Variants in CS observed in about 807,000 individuals in gnomAD.
CS encodes citrate synthase, mitochondrial.
CS carries 13 observed loss-of-function variants against 61.4 expected under a neutral mutation model. That is an observed-to-expected ratio of 0.21 (90% CI 0.14 to 0.34). The LOEUF is 0.34. CS is among the 10% of genes least tolerant of loss of function. CS has a pLI of 1.00. For synonymous variants in CS, 159 were observed against 215.2 expected (o/e 0.74, Z 2.29); for missense variants, 278 against 573.4 (o/e 0.48, Z 5.26).
intron 5 of CS, 71 bp downstream of exon 5, chr12:56,282,785 CATTA>C: frequency 6.2e-7 from 1 of 1,600,014 alleles, no homozygotes; most frequent in Non-Finnish European, 8.5e-7. Flanking sequence ...GCCGGATCAG[CATTA>C]AGTGTCTGAG....
chr12:56,282,846 T>A lies in CS; in HGVS notation c.399+14A>T. ...AGGGGAATGAGAAGAGCTAATAATA[T>A]CCTTCTGCTTTACCTGTTCCTCTGT... On this transcript the variant is annotated intron_variant, in intron 5 of 10. Transcript: ENST00000351328. The A allele has an allele frequency of 6.2e-7, 1 of 1,613,832 alleles. No homozygotes were observed. The highest frequency in any genetic ancestry group is 8.5e-7 in the Non-Finnish European group (1 of 1,179,918).
chr12:56,283,024 G>A (rs762477813), intron 4 of CS, 33 bp from the exon 5 acceptor site: 1 of 1,611,670 alleles, frequency 6.2e-7, no homozygotes, highest in South Asian at 1.1e-5. Context: ...TACAACTCAA[G>A]TTTATAGCCT....
chr12:56,292,161 G>T (rs975693810), intron 1 of CS, among the ~76,000 whole-genome samples: 2 of 152,150 alleles, frequency 1.3e-5, no homozygotes, highest in Admixed American at 1.3e-4. Context: ...ACTTTGGGAG[G>T]CCAAGGCAGG....
chr12:56,285,204 C>A, intron 3 of CS: 1 of 418,118 alleles, frequency 2.4e-6, no homozygotes, highest in Non-Finnish European at 4.9e-6. Context: ...CCTCAGCCTC[C>A]CAAAGTGCTG....
At chr12:56,284,957 T>C (rs533555303) in intron 3 of CS, among the ~76,000 whole-genome samples, 3 of 151,846 alleles carry the variant, frequency 2.0e-5, no homozygotes, top group South Asian at 4.2e-4. Context: ...TCTTTTTTTT[T>C]TTCCCCCCAG....
chr12:56,286,923 A>G (rs1872956714), intron 1 of CS, among the ~76,000 whole-genome samples: 2 of 152,206 alleles, frequency 1.3e-5, no homozygotes, highest in South Asian at 4.1e-4. Flanking sequence ...GCGGTTATCA[A>G]TATTTTTGAG....
At chr12:56,286,887 T>C (rs1308331466) in intron 1 of CS, among the ~76,000 whole-genome samples, 1 of 152,186 alleles carries the variant, frequency 6.6e-6, no homozygotes, top group Non-Finnish European at 1.5e-5. Flanking sequence ...ACAGACTCTT[T>C]CCCATCATCT....
At chr12:56,276,778 G>A (rs1388141695) in intron 6 of CS, among the ~76,000 whole-genome samples, 1 of 152,180 alleles carries the variant, frequency 6.6e-6, no homozygotes, top group Non-Finnish European at 1.5e-5. Context: ...CCGACCTCAG[G>A]TGATCTGCCT....
intron 3 of CS, among the ~76,000 whole-genome samples, chr12:56,284,333 A>AC (rs1872867474): frequency 6.6e-6 from 1 of 150,796 alleles, no homozygotes; most frequent in Non-Finnish European, 1.5e-5. Flanking sequence ...AAAAAAAAAA[A>AC]AAAAGAAAAA....
chr12:56,291,218 A>G (rs1345453150), intron 1 of CS: 23 of 1,178,470 alleles, frequency 2.0e-5, no homozygotes, highest in Non-Finnish European at 2.5e-5. Context: ...CCTATCACCT[A>G]CCATCAAGTG....
intron 4 of CS, 80 bp from the exon 5 acceptor site, chr12:56,283,071 C>G: frequency 6.6e-7 from 1 of 1,504,666 alleles, no homozygotes; most frequent in Non-Finnish European, 9.2e-7. Context: ...TCAGACCTTA[C>G]AACAAGTTAG....
intron 6 of CS, among the ~76,000 whole-genome samples, chr12:56,280,416 C>CAAAAAAAAAAAAAAA (rs1190260476): frequency 1.1e-5 from 1 of 89,770 alleles, no homozygotes; most frequent in Non-Finnish European, 2.1e-5. Context: ...CACCGTCTCC[C>CAAAAAAAAAAAAAAA]AAAAAAAACA....
intron 7 of CS, 104 bp downstream of exon 7, chr12:56,275,892 C>T: frequency 2.0e-6 from 2 of 1,001,446 alleles, no homozygotes; most frequent in Non-Finnish European, 3.1e-6. Context: ...TGTCTTCTTG[C>T]TGCCTATCAT....
chr12:56,282,569 G>A lies in CS; in HGVS notation c.439C>T (p.Leu147=). 6.2e-7 allele frequency: 1 copy of A among 1,611,382 alleles called. No homozygotes were observed. Among genetic ancestry groups the A allele is most frequent in the Non-Finnish European group, 8.5e-7 (1 of 1,178,780 alleles). ...AGCATGGTGACCACATGGGAAGGCAGAGCTGCCCTCTTTGCCCACTCTTTT... is the reference window on the plus strand; with the variant it reads ...AGCATGGTGACCACATGGGAAGGCAAAGCTGCCCTCTTTGCCCACTCTTTT... ...LSKEWAKRAA[L]PSHVVTMLDN... The change falls in exon 6 of 11, where the codon CTG becomes TTG. Residue 147 remains leucine (L), a synonymous_variant. Coordinates refer to ENST00000351328, the MANE Select transcript of CS (RefSeq NM_004077.3).
chr12:56,283,778 T>A lies in CS; in HGVS notation c.267+14A>T. 2 of 1,598,468 alleles carry A rather than the reference T, an allele frequency of 1.3e-6. No individual in the cohort carries two copies. Among genetic ancestry groups the A allele is most frequent in the Non-Finnish European group, 1.7e-6 (2 of 1,166,236 alleles). ...ACTCAATGATTATTAGTAATTGACA[T>A]GAAGATGTCTTACCTCATCAGGATC... is the stretch of plus-strand genomic sequence containing the variant. On this transcript the variant is annotated intron_variant, in intron 4 of 10. Coordinates refer to ENST00000351328, the MANE Select transcript of CS (RefSeq NM_004077.3).
At chr12:56,286,184 G>A in intron 2 of CS, 161 bp from the exon 3 acceptor site, 1 of 609,148 alleles carries the variant, frequency 1.6e-6, no homozygotes, top group East Asian at 2.8e-5. Context: ...TTAGGCAGGG[G>A]GAAGAAGGAA....
At chr12:56,296,762 AG>A (rs2135927553) in intron 1 of CS, among the ~76,000 whole-genome samples, 1 of 152,194 alleles carries the variant, frequency 6.6e-6, no homozygotes, top group African/African-American at 2.4e-5. Context: ...ACCAACCTAA[AG>A]GCCACTGGGA....
chr12:56,286,757 C>T, intron 1 of CS, 112 bp from the exon 2 acceptor site: 2 of 929,090 alleles, frequency 2.2e-6, no homozygotes, highest in Non-Finnish European at 1.7e-6. Context: ...TCTCTTAGGG[C>T]AGTTTGACAT....
intron 6 of CS, among the ~76,000 whole-genome samples, chr12:56,280,880 G>A (rs1016347470): frequency 6.6e-6 from 1 of 152,014 alleles, no homozygotes; most frequent in Non-Finnish European, 1.5e-5. Flanking sequence ...TGTATATTTT[G>A]CATCATTCTG....
Sources: allele counts gnomAD v4.1 joint callset (sites outside exome capture counted in the v4.1 genomes callset), GRCh38; gene constraint gnomAD v4.1.1; transcripts MANE v1.5; gene names NCBI Gene and HGNC (gene_info 2026-07-23, HGNC 2026-07-21).